THSD1: variants seen among roughly 807,000 people sequenced by gnomAD.
THSD1 encodes thrombospondin type-1 domain-containing protein 1.
In THSD1, 34 loss-of-function variants were observed where a neutral mutation model predicts 46.3. The ratio of observed to expected loss-of-function variants is 0.74; its 90% confidence interval spans 0.56 to 0.98. The LOEUF (loss-of-function observed/expected upper bound fraction) is 0.98. Among genes scored for constraint, THSD1 ranks in the 50% least tolerant of loss-of-function variants. THSD1 has a pLI of 0.00. For synonymous variants in THSD1, 407 were observed against 416.5 expected (o/e 0.98, Z 0.28); for missense variants, 1,023 against 1,058.3 (o/e 0.97, Z 0.46).
At chr13:52,380,947 C>T (rs1957687539) in intron 4 of THSD1, among the ~76,000 whole-genome samples, 1 of 152,166 alleles carries the variant, frequency 6.6e-6, no homozygotes, top group South Asian at 2.1e-4. Context: ...CCCAGCCTCC[C>T]TCACTATGCC....
intron 4 of THSD1, among the ~76,000 whole-genome samples, chr13:52,381,470 A>T (rs1957691521): frequency 6.6e-6 from 1 of 152,186 alleles, no homozygotes; most frequent in African/African-American, 2.4e-5. Context: ...CCCCCTATCC[A>T]ATCCACTTCC....
At chr13:52,390,197 CA>C (rs1957763397) in intron 3 of THSD1, among the ~76,000 whole-genome samples, 1 of 152,046 alleles carries the variant, frequency 6.6e-6, no homozygotes, top group African/African-American at 2.4e-5. Context: ...CATCCAACCC[CA>C]AGACCTATCA....
At position 52,401,060 on chromosome 13, in the gene THSD1, C is replaced by T. The variant is rs533636370; in HGVS notation, c.58+1483G>A. The stretch of plus-strand genomic sequence containing the variant: ...CATGATCTCGGCTCACCACAACCTC[C>T]GCCTCCCGGGTTCAAGTGATTCTCC... On this transcript the variant is annotated intron_variant, in intron 2 of 4. Coordinates refer to ENST00000258613, the MANE Select transcript of THSD1 (RefSeq NM_018676.4). 4.6e-5 allele frequency among the ~76,000 whole-genome samples: 7 copies of T among 150,920 alleles called. No homozygotes were observed. The South Asian group carries it at 8.4e-4, about 18-fold the overall frequency.
In THSD1 at chr13:52,378,577, C is replaced by A; in HGVS notation, c.1393G>T (p.Glu465Ter). 6.2e-7 allele frequency: 1 copy of A among 1,614,160 alleles called. No homozygotes were observed. Among genetic ancestry groups the A allele is most frequent in the South Asian group, 1.1e-5 (1 of 91,080 alleles). ...HSPSFRKNSDEENICELSEQR... is the reference protein window; with the variant it reads ...HSPSFRKNSD ...TCGCTCAGCTCGCAGATATTCTCCT[C>A]GTCCGAGTTCTTCCGGAAGCTGGGG... is the stretch of plus-strand genomic sequence containing the variant. The change falls in exon 5 of 5, where the codon GAG (glutamate) becomes TAG (stop). Residue 465 changes from glutamate (E) to a stop codon, truncating the protein, a stop_gained. Coordinates refer to ENST00000258613, the MANE Select transcript of THSD1 (RefSeq NM_018676.4). LOFTEE classifies it high-confidence loss of function.
At chr13:52,382,547 C>T (rs1004679627) in intron 4 of THSD1, among the ~76,000 whole-genome samples, 1 of 152,156 alleles carries the variant, frequency 6.6e-6, no homozygotes, top group African/African-American at 2.4e-5. Context: ...TCCCACCCCT[C>T]CCTGGCACAC....
intron 4 of THSD1, among the ~76,000 whole-genome samples, chr13:52,384,820 AG>A (rs1400060847): frequency 6.6e-6 from 1 of 152,158 alleles, no homozygotes; most frequent in Non-Finnish European, 1.5e-5. Context: ...TAAAGAAAAG[AG>A]CAGACAGAGA....
Position 52,377,679 on chromosome 13 carries a change from G to C in THSD1, c.2291C>G (p.Ser764Cys). The C allele has an allele frequency of 6.2e-7, 1 of 1,609,376 alleles. No individual in the cohort carries two copies. The highest frequency in any genetic ancestry group is 8.5e-7 in the Non-Finnish European group (1 of 1,176,480). Residue 764 changes from serine (S) to cysteine (C), a missense_variant, in exon 5 of 5, where the codon TCC (serine) becomes TGC (cysteine). By Grantham distance (112) the Ser-to-Cys change is moderately radical. Coordinates refer to ENST00000258613, the MANE Select transcript of THSD1 (RefSeq NM_018676.4). ...TEPHRARRGP[S>C]PSHKSVSRKQ... ...CCTTGAGACACTCTTGTGACTGGGG[G>C]ACGGTCCCCGACGAGCTCTGTGGGG...
At chr13:52,381,086 A>G (rs1957688689) in intron 4 of THSD1, among the ~76,000 whole-genome samples, 1 of 151,970 alleles carries the variant, frequency 6.6e-6, no homozygotes. Flanking sequence ...TCACTCACTC[A>G]CTATTACTAC....
intron 3 of THSD1, among the ~76,000 whole-genome samples, chr13:52,389,728 C>A (rs910564336): frequency 6.6e-6 from 1 of 152,036 alleles, no homozygotes; most frequent in Admixed American, 6.6e-5. Context: ...TACCTAACAC[C>A]GGAGCTTCAA....
chr13:52,378,265 TGGGG>T lies in THSD1; in HGVS notation c.1701_1704del (p.Pro568AlafsTer4). ...GGGCTTTCCAAATCTAAGGGAGCGC[TGGGG>T]GCCGCATCAATGGCAGTGTCTGTCA... On this transcript the variant is annotated frameshift_variant, in exon 5 of 5. Coordinates refer to ENST00000258613, the MANE Select transcript of THSD1 (RefSeq NM_018676.4). LOFTEE classifies it low-confidence loss of function (END_TRUNC). 1 of 1,614,218 alleles carries T rather than the reference TGGGG, an allele frequency of 6.2e-7. No homozygotes were observed.
chr13:52,392,175 G>C (rs1424197537), intron 3 of THSD1, among the ~76,000 whole-genome samples: 1 of 132,562 alleles, frequency 7.5e-6, no homozygotes, highest in African/African-American at 2.9e-5. Flanking sequence ...CTGGGGGAGA[G>C]AGTGAGACTC....
chr13:52,378,338 A>T lies in THSD1; in HGVS notation c.1632T>A (p.Gly544=), dbSNP rs1171510500. 9.3e-6 allele frequency: 15 copies of T among 1,614,066 alleles called. No individual in the cohort carries two copies. The highest frequency in any genetic ancestry group is 1.3e-5 in the Non-Finnish European group (15 of 1,179,998). Reference sequence around the variant, plus strand: ...GATACACTTTGGTAGTTTCCGTCAGACCTTTCTTTTTCATCTCCTTTAACT... The same window carrying T: ...GATACACTTTGGTAGTTTCCGTCAGTCCTTTCTTTTTCATCTCCTTTAACT... ...QQQLKEMKKK[G]LTETTKVYHV... is the part of the protein sequence containing the mutation. The change falls in exon 5 of 5, where the codon GGT becomes GGA. Residue 544 remains glycine, a synonymous_variant. Transcript: ENST00000258613.
Position 52,378,389 on chromosome 13 carries a change from C to T in THSD1, c.1581G>A (p.Leu527=). The T allele has an allele frequency of 6.2e-7, 1 of 1,614,020 alleles. No homozygotes were observed. The highest frequency in any genetic ancestry group is 8.5e-7 in the Non-Finnish European group (1 of 1,180,022). The change falls in exon 5 of 5, where the codon CTG becomes CTA. Residue 527 remains leucine, a synonymous_variant. Transcript: ENST00000258613. ...GCTGCTGGGCAAGGCGGTAGCTGAA[C>T]AGAGGTGGGATTATCTTCTGGGCGT... ...QSNAQKIIPP[L]FSYRLAQQQL...
intron 4 of THSD1, among the ~76,000 whole-genome samples, chr13:52,385,368 A>G (rs570332157): frequency 6.6e-6 from 1 of 152,340 alleles, no homozygotes; most frequent in East Asian, 1.9e-4. Context: ...TTAGCTCCAC[A>G]AGCTGGGGCA....
Position 52,386,725 on chromosome 13 carries a change from G to A in THSD1, c.1022-539C>T, listed in dbSNP as rs1478285470. Among the ~76,000 whole-genome samples the A allele has an allele frequency of 2.6e-5, 4 of 152,196 alleles. No individual in the cohort carries two copies. The East Asian group carries it at 7.7e-4, about 29-fold the overall frequency. On this transcript the variant is annotated intron_variant, in intron 3 of 4. Coordinates refer to ENST00000258613, the MANE Select transcript of THSD1 (RefSeq NM_018676.4). Reference sequence around the variant, plus strand: ...GCCTCCCTCATGGTGGAGGCCCAAGGAGGGAAGGGGCAGCACTGTGGAAAA... The same window carrying A: ...GCCTCCCTCATGGTGGAGGCCCAAGAAGGGAAGGGGCAGCACTGTGGAAAA...
Position 52,378,288 on chromosome 13 carries a change from T to C in THSD1, c.1682A>G (p.Asp561Gly). ...GCTGGGGGCCGCATCAATGGCAGTGTCTGTCAGGGGACTCTGAGACACGTG... is the reference window on the plus strand; with the variant it reads ...GCTGGGGGCCGCATCAATGGCAGTGCCTGTCAGGGGACTCTGAGACACGTG... ...VYHVSQSPLT[D>G]TAIDAAPSAP... is the part of the protein sequence containing the mutation. Residue 561 changes from aspartate to glycine, a missense_variant, in exon 5 of 5, where the codon GAC becomes GGC. Asp to Gly is a moderately conservative substitution (Grantham distance 94, BLOSUM62 -1). Transcript: ENST00000258613. 1 of 1,614,232 alleles carries C rather than the reference T, an allele frequency of 6.2e-7. No homozygotes were observed. Among genetic ancestry groups the C allele is most frequent in the South Asian group, 1.1e-5 (1 of 91,086 alleles).
At chr13:52,400,326 G>A (rs1429735780) in intron 2 of THSD1, among the ~76,000 whole-genome samples, 3 of 152,034 alleles carry the variant, frequency 2.0e-5, no homozygotes, top group Non-Finnish European at 4.4e-5. Flanking sequence ...GGCCAGGCAC[G>A]GTGGCTCACA....
At chr13:52,398,829 A>G (rs2137746458) in intron 2 of THSD1, among the ~76,000 whole-genome samples, 1 of 151,438 alleles carries the variant, frequency 6.6e-6, no homozygotes, top group East Asian at 1.9e-4. Flanking sequence ...TGGTGTTTAG[A>G]TATTTGGGGA....
intron 4 of THSD1, among the ~76,000 whole-genome samples, chr13:52,382,388 A>G (rs1277081657): frequency 6.6e-6 from 1 of 151,704 alleles, no homozygotes; most frequent in Non-Finnish European, 1.5e-5. Context: ...TTCCTGAAAA[A>G]TTTTTCTCAA....
Sources: allele counts gnomAD v4.1 joint callset (sites outside exome capture counted in the v4.1 genomes callset), GRCh38; gene constraint gnomAD v4.1.1; transcripts MANE v1.5; gene names NCBI Gene and HGNC (gene_info 2026-07-23, HGNC 2026-07-21).